Variants in F7 observed in about 807,000 individuals in gnomAD.
F7 encodes coagulation factor VII.
Under a neutral mutation model 47.5 loss-of-function variants are expected in F7, and 38 were observed. The ratio of observed to expected loss-of-function variants is 0.80; its 90% CI spans 0.62 to 1.05. F7 has a LOEUF of 1.05. Among genes scored for constraint, F7 ranks in the 50% least tolerant of loss-of-function variants. F7 has a pLI of 0.00. For synonymous variants in F7, 244 were observed against 258.5 expected, an observed-to-expected ratio of 0.94 and a Z score of 0.54; for missense variants, 575 against 605.4, an observed-to-expected ratio of 0.95 and a Z score of 0.53.
At chr13:113,117,245 G>A (rs956773952) in intron 6 of F7, among the ~76,000 whole-genome samples, 1 of 152,236 alleles carries the variant, frequency 6.6e-6, no homozygotes, top group Non-Finnish European at 1.5e-5. Context: ...ATCTCACAGC[G>A]ACATTTGTAT....
intron 2 of F7, among the ~76,000 whole-genome samples, chr13:113,111,423 A>T (rs2036092451): frequency 1.1e-5 from 1 of 88,474 alleles, no homozygotes; most frequent in African/African-American, 5.0e-5. Context: ...GACACCTCAC[A>T]CTCACAGGGC....
intron 2 of F7, among the ~76,000 whole-genome samples, chr13:113,111,057 TC>T (rs1463632725): frequency 5.9e-5 from 9 of 152,090 alleles, no homozygotes; most frequent in African/African-American, 1.9e-4. Flanking sequence ...GCACGCGCTC[TC>T]CCCGTGCGGC....
chr13:113,113,666 A>G lies in F7; in HGVS notation c.226-86A>G. 2 of 1,402,524 alleles carry G rather than the reference A, an allele frequency of 1.4e-6. No homozygotes were observed. The highest frequency in any genetic ancestry group is 2.0e-6 in the Non-Finnish European group (2 of 988,452). The allele number at this position is 1,402,524 out of a possible 1,614,324, so 86.9% of individuals were successfully genotyped here. On this transcript the variant is annotated intron_variant, in intron 2 of 7. Transcript: ENST00000346342. The surrounding 1 kb of genome is among the most constrained non-coding windows in gnomAD (Gnocchi z 4.1). ...GCCAGACCCAGGTCCAAGTCCCCCA[A>G]CCCCAGTTCATGGTGTGTCCAGTGC...
At chr13:113,106,600 T>TGG (rs2035963362) in intron 1 of F7, among the ~76,000 whole-genome samples, 1 of 82 alleles carries the variant, frequency 0.012, no homozygotes. Flanking sequence ...GGAAAGGGCG[T>TGG]GTGGGGTGCA....
Position 113,117,500 on chromosome 13 carries a change from TTG to T in F7, c.648_649del (p.Cys216TrpfsTer42). ...CCTGTTGTTGGTGAATGGAGCTCAGTTGTGTGGGGGGACCCTGATCAACACCA... is the reference window on the plus strand; with the variant it reads ...CCTGTTGTTGGTGAATGGAGCTCAGTTGTGGGGGGACCCTGATCAACACCA... ...QVLLLVNGAQ[L>X]CGGTLINTIW... On this transcript the variant is annotated frameshift_variant, in exon 7 of 8. Coordinates refer to ENST00000346342, the MANE Select transcript of F7 (RefSeq NM_019616.4). LOFTEE classifies it high-confidence loss of function. 6.2e-7 allele frequency: 1 copy of T among 1,614,116 alleles called. No individual in the cohort carries two copies. Among genetic ancestry groups the T allele is most frequent in the Non-Finnish European group, 8.5e-7 (1 of 1,179,996 alleles).
chr13:113,117,655 C>T (rs1023122635), intron 7 of F7, 59 bp downstream of exon 7: 4 of 1,485,014 alleles, frequency 2.7e-6, no homozygotes, highest in Non-Finnish European at 3.7e-6. Context: ...TCTTCCCTGT[C>T]CGACCGCGGT....
At chr13:113,116,358 T>C (rs562540532) in intron 5 of F7, among the ~76,000 whole-genome samples, 10 of 152,358 alleles carry the variant, frequency 6.6e-5, no homozygotes, top group Admixed American at 5.9e-4. Flanking sequence ...AAGACCTTGA[T>C]TGAAGCAGAT....
intron 1 of F7, among the ~76,000 whole-genome samples, chr13:113,106,644 T>TGTG (rs2035965511): frequency 3.6e-5 from 1 of 27,838 alleles, no homozygotes; most frequent in East Asian, 1.3e-3. Flanking sequence ...GGATGGCGAG[T>TGTG]GGGGCTGGGG....
chr13:113,116,999 C>A, intron 6 of F7, 124 bp downstream of exon 6: 1 of 788,154 alleles, frequency 1.3e-6, no homozygotes, highest in Non-Finnish European at 2.2e-6. Context: ...TCCAAGTCAG[C>A]ACACCTAGCA....
At chr13:113,112,920 A>T (rs2036130765) in intron 2 of F7, among the ~76,000 whole-genome samples, 1 of 149,018 alleles carries the variant, frequency 6.7e-6, no homozygotes, top group Admixed American at 6.7e-5. Flanking sequence ...AGATCACCTC[A>T]TACTCACAGA....
chr13:113,105,833 G>T lies in F7; in HGVS notation c.-9G>T. 6.3e-7 allele frequency: 1 copy of T among 1,583,336 alleles called. No individual in the cohort carries two copies. Among genetic ancestry groups the T allele is most frequent in the Non-Finnish European group, 8.6e-7 (1 of 1,165,056 alleles). ...CAACAGGCAGGGGCAGCACTGCAGA[G>T]ATTTCATCATGGTCTCCCAGGCCCT... On this transcript the variant is annotated 5_prime_UTR_variant, in exon 1 of 8. Coordinates refer to ENST00000346342, the MANE Select transcript of F7 (RefSeq NM_019616.4).
At position 113,119,400 on chromosome 13, in the gene F7, C is replaced by T; in HGVS notation, c.*392C>T. ...GCCCACCTGCACGTGATCTGCTGGC[C>T]TCAGGCTGCTGCTCTGCCTTCATTG... is the stretch of plus-strand genomic sequence containing the variant. On this transcript the variant is annotated 3_prime_UTR_variant, in exon 8 of 8. Coordinates refer to ENST00000346342, the MANE Select transcript of F7 (RefSeq NM_019616.4). 3.6e-6 allele frequency: 1 copy of T among 280,834 alleles called. No homozygotes were observed. Among genetic ancestry groups the T allele is most frequent in the Non-Finnish European group, 6.8e-6 (1 of 146,486 alleles). 17.4% of individuals were successfully genotyped at this position (280,834 alleles called of 1,614,324 possible). A position where few individuals can be genotyped will look rare whatever the true frequency, so the allele number is the denominator to read the frequency against.
intron 4 of F7, among the ~76,000 whole-genome samples, chr13:113,114,224 C>T (rs2036154167): frequency 6.6e-6 from 1 of 152,188 alleles, no homozygotes; most frequent in Admixed American, 6.5e-5. Flanking sequence ...CTCGAGATGG[C>T]CCAGCTGAGA....
intron 1 of F7, among the ~76,000 whole-genome samples, chr13:113,109,944 T>C (rs2036056995): frequency 6.6e-6 from 1 of 152,206 alleles, no homozygotes; most frequent in African/African-American, 2.4e-5. Context: ...ACCAGCCCCG[T>C]CTTCCCATGG....
At chr13:113,106,167 A>G (rs925053297) in intron 1 of F7, among the ~76,000 whole-genome samples, 4 of 146,360 alleles carry the variant, frequency 2.7e-5, no homozygotes, top group Non-Finnish European at 4.5e-5. Flanking sequence ...CCTGGCCCCC[A>G]TGGGCCCCTG....
At chr13:113,115,398 G>GC (rs1173454058) in intron 4 of F7, among the ~76,000 whole-genome samples, 1 of 152,182 alleles carries the variant, frequency 6.6e-6, no homozygotes, top group Admixed American at 6.5e-5. Context: ...CTGCCCACCA[G>GC]CCAGGCACCC....
Position 113,115,699 on chromosome 13 carries a change from G to A in F7, c.404G>A (p.Gly135Asp). 6 of 1,613,034 alleles carry A rather than the reference G, an allele frequency of 3.7e-6. No homozygotes were observed. The highest frequency in any genetic ancestry group is 5.1e-6 in the Non-Finnish European group (6 of 1,179,984). ...CTGATCTGTGTGAACGAGAACGGCG[G>A]CTGTGAGCAGTACTGCAGTGACCAC... ...DQLICVNENG[G>D]CEQYCSDHTG... The change falls in exon 5 of 8, where the codon GGC (glycine) becomes GAC (aspartate). Residue 135 changes from glycine (G) to aspartate (D), a missense_variant. Transcript: ENST00000346342.
intron 2 of F7, among the ~76,000 whole-genome samples, chr13:113,111,092 CAT>C (rs1163835479): frequency 6.6e-5 from 10 of 152,332 alleles, no homozygotes; most frequent in Admixed American, 3.3e-4. Flanking sequence ...CCGGTTTTCA[CAT>C]CAGAAAATAC....
At chr13:113,112,459 T>A (rs1206204656) in intron 2 of F7, among the ~76,000 whole-genome samples, 5 of 135,096 alleles carry the variant, frequency 3.7e-5, no homozygotes, top group Non-Finnish European at 7.9e-5. Context: ...TCTCACAGGA[T>A]ACCTCACACT....
Sources: gnomAD v4.1 joint callset for allele counts (sites outside exome capture counted in the v4.1 genomes callset) on GRCh38, gnomAD v4.1.1 for gene constraint, Gnocchi (gnomAD v3.1) non-coding constraint, MANE v1.5 for transcripts, NCBI Gene and HGNC (gene_info 2026-07-23, HGNC 2026-07-21) for gene names.